SEPTIN7: variants seen among roughly 807,000 people sequenced by gnomAD.
The protein encoded by SEPTIN7 is septin-7.
SEPTIN7 carries 10 observed loss-of-function variants against 63.3 expected under a neutral mutation model. The ratio of observed to expected loss-of-function variants is 0.16; its 90% CI spans 0.10 to 0.27. The LOEUF is 0.27. Ranked by LOEUF, SEPTIN7 falls within the 10% of genes least tolerant of loss-of-function variation. The probability of loss-of-function intolerance (pLI) is 1.00; values close to 1 mark genes in which losing one functional copy is unlikely to be tolerated. For missense variants in SEPTIN7, 310 were observed against 521.0 expected, an observed-to-expected ratio of 0.59 and a Z score of 3.94; for synonymous variants, 131 against 165.3, an observed-to-expected ratio of 0.79 and a Z score of 1.59.
intron 1 of SEPTIN7, among the ~76,000 whole-genome samples, chr7:35,828,929 G>A (rs1783661142): frequency 6.6e-6 from 1 of 152,060 alleles, no homozygotes; most frequent in South Asian, 2.1e-4. Flanking sequence ...ATGGCTGAGA[G>A]CTATCTTTAA....
chr7:35,898,074 A>AT (rs746165844), intron 11 of SEPTIN7, 174 bp from the exon 12 acceptor site: 26 of 468,366 alleles, frequency 5.6e-5, no homozygotes, highest in Non-Finnish European at 8.0e-5. Context: ...TGTTTTTTAG[A>AT]TTTTTTTCAT....
At chr7:35,819,603 T>C (rs1039133746) in intron 1 of SEPTIN7, among the ~76,000 whole-genome samples, 5 of 152,184 alleles carry the variant, frequency 3.3e-5, no homozygotes, top group Non-Finnish European at 5.9e-5. Context: ...TTTGTGCAAT[T>C]TGGGGACTCT....
At chr7:35,888,738 T>C (rs1787436753) in intron 10 of SEPTIN7, 1 of 216,194 alleles carries the variant, frequency 4.6e-6, no homozygotes, top group Non-Finnish European at 9.6e-6. Flanking sequence ...GAGGATGGTT[T>C]GAGCCTGAAA....
At chr7:35,888,823 CA>C (rs70974780) in intron 10 of SEPTIN7, 12,883 of 186,186 alleles carry the variant, frequency 0.069, 7 homozygotes, top group South Asian at 0.11. Context: ...GACCCTGTAT[CA>C]AAAAAAAAAA....
chr7:35,887,638 C>T (rs866946482), intron 10 of SEPTIN7, among the ~76,000 whole-genome samples: 12 of 152,344 alleles, frequency 7.9e-5, no homozygotes, highest in Admixed American at 5.9e-4. Context: ...TGAGCCACCA[C>T]ACCCACCCAG....
intron 1 of SEPTIN7, among the ~76,000 whole-genome samples, chr7:35,828,061 A>G (rs972990922): frequency 6.6e-6 from 1 of 152,216 alleles, no homozygotes; most frequent in African/African-American, 2.4e-5. Context: ...AATCAGTCAT[A>G]TGGGGGAACT....
At chr7:35,875,536 C>T (rs1786420833) in intron 6 of SEPTIN7, among the ~76,000 whole-genome samples, 1 of 152,172 alleles carries the variant, frequency 6.6e-6, no homozygotes, top group African/African-American at 2.4e-5. Context: ...CAACAGTGTA[C>T]TTTCAGTGCC....
chr7:35,823,995 A>G (rs1477678988), intron 1 of SEPTIN7, among the ~76,000 whole-genome samples: 2 of 151,026 alleles, frequency 1.3e-5, no homozygotes, highest in African/African-American at 2.4e-5. Flanking sequence ...ATTCACACAA[A>G]TAGAACCATC....
chr7:35,888,834 A>G, intron 10 of SEPTIN7: 1 of 391,278 alleles, frequency 2.6e-6, no homozygotes, highest in Non-Finnish European at 5.0e-6. Context: ...AAAAAAAAAA[A>G]AAAAAAAAAA....
chr7:35,856,241 A>T (rs557061643), intron 3 of SEPTIN7, among the ~76,000 whole-genome samples: 2 of 152,216 alleles, frequency 1.3e-5, no homozygotes, highest in Non-Finnish European at 2.9e-5. Flanking sequence ...TACAGTATGT[A>T]TTCTTTTTAG....
rs150997511 is a variant in SEPTIN7, at chr7:35,859,565, C to G, written c.170-3987C>G. Among the ~76,000 whole-genome samples the G allele has an allele frequency of 3.3e-5, 5 of 152,248 alleles. No individual in the cohort carries two copies. The East Asian group carries it at 9.6e-4, about 29-fold the overall frequency. On this transcript the variant is annotated intron_variant, in intron 3 of 13. Coordinates refer to ENST00000350320, the MANE Select transcript of SEPTIN7 (RefSeq NM_001788.6). ...CTTGTTTATTTTCCGTCTAGTTGTTCCGTCCGTTATTGAAACTGGAGTATT... is the reference window on the plus strand; with the variant it reads ...CTTGTTTATTTTCCGTCTAGTTGTTGCGTCCGTTATTGAAACTGGAGTATT...
chr7:35,807,061 C>T (rs1788390382), intron 1 of SEPTIN7, among the ~76,000 whole-genome samples: 3 of 152,110 alleles, frequency 2.0e-5, no homozygotes, highest in Admixed American at 2.0e-4. Context: ...AAACTTTGTT[C>T]ATTGATTTAA....
At chr7:35,821,796 T>A (rs1178481174) in intron 1 of SEPTIN7, among the ~76,000 whole-genome samples, 2 of 152,192 alleles carry the variant, frequency 1.3e-5, no homozygotes, top group African/African-American at 4.8e-5. Flanking sequence ...ATTTTTATTT[T>A]GAAATGGAGT....
chr7:35,870,032 C>A (rs1786048965), intron 4 of SEPTIN7, among the ~76,000 whole-genome samples: 2 of 152,112 alleles, frequency 1.3e-5, no homozygotes, highest in Admixed American at 6.5e-5. Flanking sequence ...ATTTGTTTTC[C>A]ATGGATCCCA....
chr7:35,840,410 C>T (rs1784355423), intron 3 of SEPTIN7, among the ~76,000 whole-genome samples: 1 of 150,154 alleles, frequency 6.7e-6, no homozygotes, highest in African/African-American at 2.5e-5. Context: ...AGGCACACAC[C>T]ACTATGCCCA....
intron 11 of SEPTIN7, among the ~76,000 whole-genome samples, chr7:35,892,239 C>G (rs1583638285): frequency 6.6e-6 from 1 of 152,168 alleles, no homozygotes; most frequent in Middle Eastern, 3.4e-3. Flanking sequence ...GGTTAACATG[C>G]CTTATAATGG....
chr7:35,815,308 T>C (rs570550682), intron 1 of SEPTIN7, among the ~76,000 whole-genome samples: 1 of 152,314 alleles, frequency 6.6e-6, no homozygotes, highest in South Asian at 2.1e-4. Flanking sequence ...CTGCCTCTAG[T>C]AGATGTTTTG....
chr7:35,862,591 G>A (rs1785567796), intron 3 of SEPTIN7, among the ~76,000 whole-genome samples: 1 of 151,988 alleles, frequency 6.6e-6, no homozygotes, highest in South Asian at 2.1e-4. Flanking sequence ...GTAAAAATTG[G>A]CACGCTCTCA....
intron 3 of SEPTIN7, among the ~76,000 whole-genome samples, chr7:35,838,987 C>T (rs1291650701): frequency 6.6e-6 from 1 of 152,106 alleles, no homozygotes; most frequent in Non-Finnish European, 1.5e-5. Context: ...ATAAATACTA[C>T]ATTCTTGGAG....
Sources: allele counts gnomAD v4.1 joint callset (sites outside exome capture counted in the v4.1 genomes callset), GRCh38; gene constraint gnomAD v4.1.1; transcripts MANE v1.5; gene names NCBI Gene and HGNC (gene_info 2026-07-23, HGNC 2026-07-21).